The following FBXL2 variants were observed in gnomAD, a reference collection of about 807,000 sequenced individuals.
FBXL2 encodes the protein F-box and leucine rich repeat protein 2.
In FBXL2, 38 loss-of-function variants were observed where a neutral mutation model predicts 69.2. The observed-to-expected ratio is 0.55, with a 90% CI of 0.42 to 0.72. The LOEUF (loss-of-function observed/expected upper bound fraction) is 0.72. FBXL2 is among the 30% of genes least tolerant of loss of function. The pLI, the probability that FBXL2 is intolerant of heterozygous loss-of-function variation, is 0.00. For missense variants in FBXL2, 354 were observed against 520.3 expected (o/e 0.68, Z 3.11); for synonymous variants, 192 against 201.3 (o/e 0.95, Z 0.39).
intron 1 of FBXL2, among the ~76,000 whole-genome samples, chr3:33,284,348 A>G (rs533784529): frequency 4.0e-5 from 6 of 151,844 alleles, no homozygotes; most frequent in African/African-American, 1.4e-4. Flanking sequence ...GTTTCCATGT[A>G]GAGCACTTTT....
chr3:33,311,623 GTTTGGCTC>G (rs1207420929), intron 2 of FBXL2, among the ~76,000 whole-genome samples: 2 of 151,502 alleles, frequency 1.3e-5, no homozygotes, highest in Non-Finnish European at 1.5e-5. Context: ...TACGGAATTT[GTTTGGCTC>G]TTTTTTTTTT....
chr3:33,373,724 G>GC lies in FBXL2; in HGVS notation c.582+21dup, dbSNP rs1424467755. ...ACACAGGTACCAGAGGGTTGATACA[G>GC]CTGTTTGTGTTATGTGTCAGGTGTG... On this transcript the variant is annotated intron_variant, in intron 8 of 14. Coordinates refer to ENST00000484457, the MANE Select transcript of FBXL2 (RefSeq NM_012157.5). The GC allele has an allele frequency of 9.3e-6, 15 of 1,614,168 alleles. No homozygotes were observed. The highest frequency in any genetic ancestry group is 1.1e-5 in the Non-Finnish European group (13 of 1,180,032).
chr3:33,401,155 A>C, intron 12 of FBXL2: 1 of 696,964 alleles, frequency 1.4e-6, no homozygotes, highest in Admixed American at 3.9e-5. Flanking sequence ...AAAGTCTGCA[A>C]CAAAATGCAA....
rs2043569991 is a variant in FBXL2 at position 33,388,004 on chromosome 3, A to AGCTT, written c.*2399_*2402dup. ...AGAATGGCGTGAACCCGGGAGGCAG[A>AGCTT]GCTTGCAGTGAGCCGAGATTGCGCC... On this transcript the variant is annotated 3_prime_UTR_variant, in exon 15 of 15. Coordinates refer to ENST00000484457, the MANE Select transcript of FBXL2 (RefSeq NM_012157.5). 1.3e-5 allele frequency: 2 copies of AGCTT among 149,454 alleles called. No homozygotes were observed. The highest frequency in any genetic ancestry group is 5.0e-5 in the African/African-American group (2 of 40,330). 9.3% of individuals were successfully genotyped at this position (149,454 alleles called of 1,614,324 possible).
In FBXL2 at chr3:33,304,573, G is replaced by T. The variant is rs540517720; in HGVS notation, c.65+6848G>T. 1.1e-4 allele frequency among the ~76,000 whole-genome samples: 16 copies of T among 152,014 alleles called. No homozygotes were observed. In the South Asian group the frequency reaches 3.3e-3, roughly 32 times the overall value. ...TCCCCCTTTACTGAGTATTTTGGTT[G>T]TTTCCAGTGTTTTATCAGTAAGAGC... On this transcript the variant is annotated intron_variant, in intron 2 of 14. Transcript: ENST00000484457.
At chr3:33,302,503 A>G (rs569880639) in intron 2 of FBXL2, among the ~76,000 whole-genome samples, 39 of 152,310 alleles carry the variant, frequency 2.6e-4, no homozygotes, top group Admixed American at 5.2e-4. Flanking sequence ...AATTTCTACT[A>G]TGGTTGCTTT....
intron 2 of FBXL2, among the ~76,000 whole-genome samples, chr3:33,333,572 G>A (rs1296541495): frequency 6.6e-6 from 1 of 152,182 alleles, no homozygotes; most frequent in Admixed American, 6.5e-5. Flanking sequence ...GCAGACAAGA[G>A]GAGGTCTGAA....
chr3:33,405,047 G>C (rs2044379835), downstream of FBXL2, among the ~76,000 whole-genome samples: 1 of 152,108 alleles, frequency 6.6e-6, no homozygotes, highest in Non-Finnish European at 1.5e-5. Flanking sequence ...ACTGAGTTAA[G>C]AGGCTATGGT....
chr3:33,394,937 A>G (rs542112072), intron 12 of FBXL2, among the ~76,000 whole-genome samples: 185 of 151,424 alleles, frequency 1.2e-3, no homozygotes, highest in African/African-American at 4.5e-3. Context: ...GACCCTATGT[A>G]TGATCTAAAG....
chr3:33,333,768 C>G (rs2039349915), intron 2 of FBXL2, among the ~76,000 whole-genome samples: 1 of 152,142 alleles, frequency 6.6e-6, no homozygotes, highest in Non-Finnish European at 1.5e-5. Context: ...CCCTTCCCCA[C>G]CCCACCAACC....
At chr3:33,281,145 A>C (rs1248660905) in intron 1 of FBXL2, among the ~76,000 whole-genome samples, 1 of 152,100 alleles carries the variant, frequency 6.6e-6, no homozygotes, top group Non-Finnish European at 1.5e-5. Flanking sequence ...GGTGTGCTGT[A>C]CCCGTTGTCA....
At chr3:33,336,688 C>T (rs982075387) in intron 2 of FBXL2, among the ~76,000 whole-genome samples, 2 of 152,204 alleles carry the variant, frequency 1.3e-5, no homozygotes, top group East Asian at 1.9e-4. Flanking sequence ...GGGTGGATCA[C>T]GAGGCCAAGA....
chr3:33,417,240 A>G, the FBXL2 span, among the ~76,000 whole-genome samples: 1 of 152,134 alleles, frequency 6.6e-6, no homozygotes, highest in Non-Finnish European at 1.5e-5. Context: ...GTTTTAGAAC[A>G]CTCGCATCAT....
At chr3:33,390,128 T>C (rs2043698807), downstream of FBXL2, 2 of 584,760 alleles carry the variant, frequency 3.4e-6, no homozygotes, top group Admixed American at 6.1e-5. Flanking sequence ...GCCGATGTGC[T>C]CACTCTCATG....
In FBXL2 at chr3:33,381,647, A is replaced by T. The variant is rs576807163; in HGVS notation, c.952-2342A>T. 5.9e-3 allele frequency among the ~76,000 whole-genome samples: 509 copies of T among 86,928 alleles called. 2 individuals carry two copies. The highest frequency in any genetic ancestry group is 0.022 in the Admixed American group (146 of 6,778). The allele number at this position is 86,928 out of a possible 152,430, so 57.0% of individuals were successfully genotyped here. On this transcript the variant is annotated intron_variant, in intron 13 of 14. Coordinates refer to ENST00000484457, the MANE Select transcript of FBXL2 (RefSeq NM_012157.5). ...CTCAAAAAAAAATAAATAAAAATTTAAAAAAAAAAGAAAATGAAATATATA... is the reference window on the plus strand; with the variant it reads ...CTCAAAAAAAAATAAATAAAAATTTTAAAAAAAAAGAAAATGAAATATATA...
chr3:33,357,630 C>T (rs1191320737), intron 2 of FBXL2, among the ~76,000 whole-genome samples: 3 of 148,576 alleles, frequency 2.0e-5, no homozygotes, highest in African/African-American at 5.0e-5. Flanking sequence ...CCCGGGTTCA[C>T]GCCATTCTCC....
intron 2 of FBXL2, among the ~76,000 whole-genome samples, chr3:33,314,786 A>T: frequency 6.6e-6 from 1 of 152,190 alleles, no homozygotes; most frequent in South Asian, 2.1e-4. Context: ...TGAGAAGCTA[A>T]CAACTCGGAA....
At chr3:33,403,584 G>GTCTGTCTGTCTA (rs60697427) in exon 13 of FBXL2, 4 of 148,878 alleles carry the variant, frequency 2.7e-5, no homozygotes, top group African/African-American at 1.0e-4. Flanking sequence ...CTGTCTGTCT[G>GTCTGTCTGTCTA]TCTATCTATC....
At chr3:33,304,280 C>A (rs58934107) in intron 2 of FBXL2, among the ~76,000 whole-genome samples, 14,556 of 151,996 alleles carry the variant, frequency 0.096, 712 homozygotes, top group African/African-American at 0.11. Flanking sequence ...TCATTCCCCA[C>A]CATAAAGGTA....
Sources: gnomAD v4.1 joint callset for allele counts (sites outside exome capture counted in the v4.1 genomes callset) on GRCh38, gnomAD v4.1.1 for gene constraint, MANE v1.5 for transcripts, NCBI Gene and HGNC (gene_info 2026-07-23, HGNC 2026-07-21) for gene names.